Variants in C12orf42 observed in about 807,000 individuals in gnomAD.
C12orf42 encodes uncharacterized protein C12orf42.
In C12orf42, 25 loss-of-function variants were observed where a neutral mutation model predicts 21.6. The observed-to-expected ratio is 1.16, with a 90% CI of 0.84 to 1.62. The LOEUF (loss-of-function observed/expected upper bound fraction) is 1.62. Among genes scored for constraint, C12orf42 ranks in the 40% most tolerant of loss-of-function variants. C12orf42 has a pLI of 0.00. For synonymous variants in C12orf42, 174 were observed against 175.0 expected (o/e 0.99, Z 0.05); for missense variants, 483 against 459.3 (o/e 1.05, Z -0.47).
chr12:103,321,251 A>G lies in C12orf42; in HGVS notation c.260-14906T>C, dbSNP rs557317212. On this transcript the variant is annotated intron_variant, in intron 4 of 5. Coordinates refer to ENST00000548883, the MANE Select transcript of C12orf42 (RefSeq NM_198521.5). The stretch of plus-strand genomic sequence containing the variant: ...AAAGAAGACATTTATGCAGCCAAAA[A>G]ACACATGAAAAAATGCTCATCATCA... Among the ~76,000 whole-genome samples the G allele has an allele frequency of 4.2e-3, 642 of 151,606 alleles. 1 individual carries two copies. Among genetic ancestry groups the G allele is most frequent in the South Asian group, 9.7e-3 (46 of 4,736 alleles).
In C12orf42 at chr12:103,302,578, A is replaced by AAGCAGGAC. The variant is rs751468083; in HGVS notation, c.632-27_632-20dup. The AAGCAGGAC allele has an allele frequency of 6.9e-6, 11 of 1,591,576 alleles. No individual in the cohort carries two copies. The African/African-American group carries it at 1.3e-4, about 19-fold the overall frequency. On this transcript the variant is annotated intron_variant, in intron 5 of 5. Coordinates refer to ENST00000548883, the MANE Select transcript of C12orf42 (RefSeq NM_198521.5). ...GCAGAACCTGGAAGGCAAAGCAGGAAAGCAGGACAGAGATGAGGCTCAAGC... is the reference window on the plus strand; with the variant it reads ...GCAGAACCTGGAAGGCAAAGCAGGAAAGCAGGACAGCAGGACAGAGATGAGGCTCAAGC...
chr12:103,242,412 A>G (rs1442319991), intron 10 of C12orf42, among the ~76,000 whole-genome samples: 2 of 152,210 alleles, frequency 1.3e-5, no homozygotes, highest in African/African-American at 4.8e-5. Context: ...CACTGGTAAG[A>G]CCACATCAAT....
intron 10 of C12orf42, among the ~76,000 whole-genome samples, chr12:103,244,227 T>C (rs1744357516): frequency 6.6e-6 from 1 of 152,118 alleles, no homozygotes; most frequent in African/African-American, 2.4e-5. Context: ...CCTGGCCTGC[T>C]GGAGGCTTGG....
the C12orf42 span, among the ~76,000 whole-genome samples, chr12:103,114,394 T>C: frequency 6.6e-6 from 1 of 152,124 alleles, no homozygotes; most frequent in African/African-American, 2.4e-5. Flanking sequence ...GTCCTCAAGA[T>C]GTGGTCCCTG....
chr12:103,189,583 TGTAGGCCTGGG>T, the C12orf42 span, among the ~76,000 whole-genome samples: 1 of 152,300 alleles, frequency 6.6e-6, no homozygotes, highest in African/African-American at 2.4e-5. Flanking sequence ...ATCTGCATAG[TGTAGGCCTGGG>T]GTAGGCCTGA....
At chr12:103,369,848 G>A (rs187833864) in intron 3 of C12orf42, among the ~76,000 whole-genome samples, 13 of 152,116 alleles carry the variant, frequency 8.5e-5, no homozygotes, top group Admixed American at 7.9e-4. Flanking sequence ...GACACCAAAA[G>A]CAATTGCAAC....
chr12:103,418,279 C>T (rs971125693), intron 2 of C12orf42, among the ~76,000 whole-genome samples: 5 of 152,052 alleles, frequency 3.3e-5, no homozygotes, highest in African/African-American at 1.2e-4. Flanking sequence ...AATCAAAGGA[C>T]ATGAAAGCCA....
downstream of C12orf42, among the ~76,000 whole-genome samples, chr12:103,265,688 A>G (rs2136236824): frequency 6.6e-6 from 1 of 152,224 alleles, no homozygotes; most frequent in African/African-American, 2.4e-5. Context: ...AAACAGACTC[A>G]CGTGGGTTGG....
intron 2 of C12orf42, among the ~76,000 whole-genome samples, chr12:103,425,254 C>T (rs902935602): frequency 5.3e-5 from 8 of 152,122 alleles, no homozygotes; most frequent in South Asian, 2.1e-4. Context: ...TGGCTGTGGG[C>T]GTAGCTCCAG....
At chr12:103,101,854 T>G in the C12orf42 span, among the ~76,000 whole-genome samples, 1 of 152,212 alleles carries the variant, frequency 6.6e-6, no homozygotes, top group Non-Finnish European at 1.5e-5. Context: ...TCTGCTAAGG[T>G]GAGGCCTGCC....
chr12:103,106,528 T>C, the C12orf42 span, among the ~76,000 whole-genome samples: 1 of 151,932 alleles, frequency 6.6e-6, no homozygotes, highest in African/African-American at 2.4e-5. Context: ...AAAAGTGGCA[T>C]GAGTGATCTA....
At chr12:103,435,653 A>G (rs1483227238) in intron 2 of C12orf42, among the ~76,000 whole-genome samples, 11 of 152,110 alleles carry the variant, frequency 7.2e-5, no homozygotes, top group Non-Finnish European at 1.5e-4. Context: ...GGGTATCAGC[A>G]ATGGAAGATG....
At chr12:103,561,103 C>T in the C12orf42 span, among the ~76,000 whole-genome samples, 1 of 152,236 alleles carries the variant, frequency 6.6e-6, no homozygotes, top group East Asian at 1.9e-4. Context: ...CTCTCTCCCC[C>T]AGGGTGAATT....
intron 1 of C12orf42, among the ~76,000 whole-genome samples, chr12:103,492,639 G>C (rs1301244576): frequency 6.6e-6 from 1 of 151,974 alleles, no homozygotes; most frequent in Non-Finnish European, 1.5e-5. Context: ...AGTATTTCCA[G>C]TTCAGAGTCA....
At chr12:103,188,155 C>T in the C12orf42 span, among the ~76,000 whole-genome samples, 28 of 152,246 alleles carry the variant, frequency 1.8e-4, no homozygotes, top group African/African-American at 6.5e-4. Context: ...ATGAGCAGTT[C>T]ACCTGAATAG....
At chr12:103,435,816 G>T (rs1158141306) in intron 2 of C12orf42, among the ~76,000 whole-genome samples, 1 of 152,120 alleles carries the variant, frequency 6.6e-6, no homozygotes, top group Admixed American at 6.5e-5. Flanking sequence ...AACCAAGTTG[G>T]AAAACACTCT....
chr12:103,201,965 A>G, the C12orf42 span, among the ~76,000 whole-genome samples: 4 of 152,246 alleles, frequency 2.6e-5, no homozygotes, highest in Non-Finnish European at 5.9e-5. Context: ...AAAATGATGT[A>G]TAACATTACC....
At chr12:103,523,264 G>A in the C12orf42 span, among the ~76,000 whole-genome samples, 10 of 151,898 alleles carry the variant, frequency 6.6e-5, no homozygotes, top group Non-Finnish European at 1.5e-4. Context: ...GTCTGGAGAG[G>A]GAATAAATGT....
chr12:103,122,068 T>A, the C12orf42 span, among the ~76,000 whole-genome samples: 2 of 152,202 alleles, frequency 1.3e-5, no homozygotes, highest in East Asian at 1.9e-4. Flanking sequence ...GCAAAAAGTA[T>A]TTAGATGGTA....
Sources: gnomAD v4.1 joint callset for allele counts (sites outside exome capture counted in the v4.1 genomes callset) on GRCh38, gnomAD v4.1.1 for gene constraint, MANE v1.5 for transcripts, NCBI Gene and HGNC (gene_info 2026-07-23, HGNC 2026-07-21) for gene names.